GALNT13: variants seen among roughly 807,000 people sequenced by gnomAD.
GALNT13 encodes the protein polypeptide N-acetylgalactosaminyltransferase 13, also known as UDP-GalNAc:polypeptide N-acetylgalactosaminyltransferase 13.
In GALNT13, 28 loss-of-function variants were observed where a neutral mutation model predicts 64.2. That is an observed-to-expected ratio of 0.44 (90% CI 0.32 to 0.60). The LOEUF (loss-of-function observed/expected upper bound fraction) is 0.60, where lower values mean the gene tolerates loss of function less well. Ranked by LOEUF, GALNT13 falls within the 20% of genes least tolerant of loss-of-function variation. The pLI is 0.05. For missense variants in GALNT13, 577 were observed against 669.8 expected (o/e 0.86, Z 1.53); for synonymous variants, 214 against 224.6 (o/e 0.95, Z 0.42).
the GALNT13 span, among the ~76,000 whole-genome samples, chr2:153,489,300 A>G: frequency 6.6e-6 from 1 of 152,188 alleles, no homozygotes; most frequent in Non-Finnish European, 1.5e-5. Context: ...AACAAAAGGC[A>G]CATGTAAGCA....
the GALNT13 span, among the ~76,000 whole-genome samples, chr2:153,158,395 A>T: frequency 6.6e-6 from 1 of 152,180 alleles, no homozygotes; most frequent in Non-Finnish European, 1.5e-5. Flanking sequence ...GTAGTCTCTG[A>T]ATTAACCCAT....
In GALNT13 at chr2:153,933,763, T is replaced by G. The variant is rs750655579; in HGVS notation, c.-104-10631T>G. Among the ~76,000 whole-genome samples the G allele has an allele frequency of 3.9e-5, 6 of 152,296 alleles. No individual in the cohort carries two copies. The South Asian group carries it at 1.2e-3, about 32-fold the overall frequency. ...GGTCTTTCATTTTCATGTTTAGCAC[T>G]CCCTTAAAGACCTCTTGTAAAGTGG... is the stretch of plus-strand genomic sequence containing the variant. On this transcript the variant is annotated intron_variant, in intron 2 of 12. Coordinates refer to ENST00000392825, the MANE Select transcript of GALNT13 (RefSeq NM_052917.4).
At chr2:153,377,966 G>T in the GALNT13 span, among the ~76,000 whole-genome samples, 3 of 151,594 alleles carry the variant, frequency 2.0e-5, no homozygotes, top group East Asian at 5.8e-4. Context: ...TTCAGCAAAG[G>T]GTATAATTTA....
chr2:153,727,813 T>C, the GALNT13 span, among the ~76,000 whole-genome samples: 1 of 152,106 alleles, frequency 6.6e-6, no homozygotes, highest in Non-Finnish European at 1.5e-5. Flanking sequence ...TGTGCCACAG[T>C]GGTTTGCTGA....
At chr2:153,543,268 T>C in the GALNT13 span, among the ~76,000 whole-genome samples, 1 of 152,152 alleles carries the variant, frequency 6.6e-6, no homozygotes, top group Admixed American at 6.5e-5. Context: ...AGAAGAATCA[T>C]CTCACAGAAG....
intron 9 of GALNT13, among the ~76,000 whole-genome samples, chr2:154,318,491 T>G (rs1694443290): frequency 6.6e-6 from 1 of 152,076 alleles, no homozygotes; most frequent in African/African-American, 2.4e-5. Flanking sequence ...TTTGGGAGGC[T>G]GAGGCAAGTG....
At chr2:154,335,175 TC>T (rs1388006587) in intron 9 of GALNT13, among the ~76,000 whole-genome samples, 15 of 151,958 alleles carry the variant, frequency 9.9e-5, no homozygotes, top group African/African-American at 3.6e-4. Context: ...TTTATTTACT[TC>T]TATGTGGTAG....
At chr2:153,282,028 C>T in the GALNT13 span, among the ~76,000 whole-genome samples, 1 of 151,992 alleles carries the variant, frequency 6.6e-6, no homozygotes, top group Non-Finnish European at 1.5e-5. Context: ...CCTTCTCTCT[C>T]ATGAATGGCA....
intron 9 of GALNT13, among the ~76,000 whole-genome samples, chr2:154,325,127 C>A (rs191298001): frequency 1.1e-4 from 16 of 150,888 alleles, no homozygotes; most frequent in African/African-American, 3.4e-4. Context: ...GTGAGTGGCT[C>A]AGTGAGAAAG....
At chr2:153,211,504 G>A in the GALNT13 span, among the ~76,000 whole-genome samples, 1 of 152,192 alleles carries the variant, frequency 6.6e-6, no homozygotes, top group Non-Finnish European at 1.5e-5. Flanking sequence ...ATAATGCTAA[G>A]GTAGCAGAAA....
chr2:153,395,609 G>A, the GALNT13 span, among the ~76,000 whole-genome samples: 2 of 152,058 alleles, frequency 1.3e-5, no homozygotes. Flanking sequence ...TAGAAAAAAT[G>A]TGTAATTATG....
chr2:153,588,584 C>T, the GALNT13 span, among the ~76,000 whole-genome samples: 1 of 152,094 alleles, frequency 6.6e-6, no homozygotes, highest in Non-Finnish European at 1.5e-5. Context: ...CTGAGTCTGG[C>T]CCACAAAACC....
intron 2 of GALNT13, among the ~76,000 whole-genome samples, chr2:153,906,415 T>G (rs953470844): frequency 1.6e-4 from 18 of 109,548 alleles, no homozygotes; most frequent in Admixed American, 8.4e-4. Flanking sequence ...TCCACAACAG[T>G]CCCCAGAGTG....
the GALNT13 span, among the ~76,000 whole-genome samples, chr2:153,390,703 G>A: frequency 6.6e-6 from 1 of 151,824 alleles, no homozygotes; most frequent in African/African-American, 2.4e-5. Flanking sequence ...CTGAATCTTT[G>A]CCCATTCAGT....
the GALNT13 span, among the ~76,000 whole-genome samples, chr2:153,729,301 T>C: frequency 6.6e-6 from 1 of 152,128 alleles, no homozygotes. Flanking sequence ...AAAATGTCTT[T>C]TCAGATGTAC....
chr2:154,389,882 G>A (rs962314630), intron 9 of GALNT13, among the ~76,000 whole-genome samples: 1 of 151,882 alleles, frequency 6.6e-6, no homozygotes, highest in African/African-American at 2.4e-5. Context: ...TCAACAGGAA[G>A]CAGTTGGTTG....
chr2:153,997,462 C>CTTTTTTTTTTTTTTTTTTTTT (rs1558897621), intron 3 of GALNT13, among the ~76,000 whole-genome samples: 3 of 151,746 alleles, frequency 2.0e-5, no homozygotes, highest in African/African-American at 7.3e-5. Flanking sequence ...TTCTTGATTT[C>CTTTTTTTTTTTTTTTTTTTTT]TTTTTTACAT....
chr2:154,176,402 G>C (rs181696796), intron 4 of GALNT13, among the ~76,000 whole-genome samples: 1 of 151,364 alleles, frequency 6.6e-6, no homozygotes, highest in Non-Finnish European at 1.5e-5. Context: ...ACAGGCGCCC[G>C]CCACCACGCC....
chr2:153,535,103 G>A, the GALNT13 span, among the ~76,000 whole-genome samples: 7 of 152,234 alleles, frequency 4.6e-5, no homozygotes, highest in East Asian at 7.7e-4. Context: ...TGGGAACCTA[G>A]AGTGGGAGAG....
Sources: allele counts gnomAD v4.1 joint callset (sites outside exome capture counted in the v4.1 genomes callset), GRCh38; gene constraint gnomAD v4.1.1; transcripts MANE v1.5; gene names NCBI Gene and HGNC (gene_info 2026-07-23, HGNC 2026-07-21).